Variants in COLEC12 observed in about 807,000 individuals in gnomAD.
The protein encoded by COLEC12 is collectin-12.
A neutral mutation model predicts 71.1 loss-of-function variants in COLEC12; 33 were observed. The ratio of observed to expected loss-of-function variants is 0.46; its 90% CI spans 0.35 to 0.62. COLEC12 has a LOEUF of 0.62. Ranked by LOEUF, COLEC12 falls within the 20% of genes least tolerant of loss-of-function variation. COLEC12 has a pLI of 0.00. For missense variants in COLEC12, 765 were observed against 916.1 expected, an observed-to-expected ratio of 0.84 and a Z score of 2.13; for synonymous variants, 350 against 353.0, an observed-to-expected ratio of 0.99 and a Z score of 0.10.
intron 2 of COLEC12, among the ~76,000 whole-genome samples, chr18:401,233 C>T (rs1915679894): frequency 1.3e-5 from 2 of 152,192 alleles, no homozygotes; most frequent in South Asian, 4.1e-4. Flanking sequence ...GCTTGTACAA[C>T]CTTCTTAGTA....
intron 2 of COLEC12, among the ~76,000 whole-genome samples, chr18:421,471 T>C (rs1205196221): frequency 1.3e-5 from 2 of 152,132 alleles, no homozygotes; most frequent in Non-Finnish European, 2.9e-5. Flanking sequence ...GCTTGTTTTC[T>C]GCTTGTAGGC....
At chr18:352,891 G>C (rs575887181) in intron 3 of COLEC12, among the ~76,000 whole-genome samples, 9 of 152,198 alleles carry the variant, frequency 5.9e-5, no homozygotes, top group Non-Finnish European at 1.2e-4. Flanking sequence ...TGAGAAAAAT[G>C]AGCAGGATAC....
chr18:337,449 T>C (rs116612383), intron 5 of COLEC12, among the ~76,000 whole-genome samples: 1 of 152,324 alleles, frequency 6.6e-6, no homozygotes, highest in African/African-American at 2.4e-5. Flanking sequence ...AAGCTTAGGC[T>C]CTGGACTTAA....
chr18:487,914 T>G (rs72856645), intron 1 of COLEC12, among the ~76,000 whole-genome samples: 2 of 152,158 alleles, frequency 1.3e-5, no homozygotes, highest in African/African-American at 4.8e-5. Flanking sequence ...AATAAGACAG[T>G]TGAGGGTCAT....
chr18:368,683 T>C lies in COLEC12; in HGVS notation c.59-11161A>G, dbSNP rs529224404. On this transcript the variant is annotated intron_variant, in intron 2 of 9. Coordinates refer to ENST00000400256, the MANE Select transcript of COLEC12 (RefSeq NM_130386.3). ...ATCGAGACCAGCCTGGCTAACATGG[T>C]GAAACCCCGTCTCCACTAAAAAATA... is the stretch of plus-strand genomic sequence containing the variant. Among the ~76,000 whole-genome samples, 564 of 151,086 alleles carry C rather than the reference T, an allele frequency of 3.7e-3. 5 individuals are homozygous for C. Among genetic ancestry groups the C allele is most frequent in the Non-Finnish European group, 6.6e-3 (445 of 67,858 alleles).
intron 1 of COLEC12, among the ~76,000 whole-genome samples, chr18:498,275 G>C (rs952563931): frequency 1.3e-5 from 2 of 150,946 alleles, no homozygotes; most frequent in African/African-American, 4.9e-5. Flanking sequence ...TGCCCCTCCC[G>C]TCCCCACCCC....
chr18:340,057 C>T (rs1343840331), intron 5 of COLEC12, among the ~76,000 whole-genome samples: 2 of 132,062 alleles, frequency 1.5e-5, no homozygotes, highest in Admixed American at 8.5e-5. Context: ...ATAGAAGCTA[C>T]CCTTAGTGCC....
intron 2 of COLEC12, among the ~76,000 whole-genome samples, chr18:383,030 T>C (rs780121166): frequency 6.6e-6 from 1 of 152,154 alleles, no homozygotes; most frequent in Non-Finnish European, 1.5e-5. Flanking sequence ...TGCACCTCCA[T>C]GCTGTCCATT....
chr18:452,076 G>A (rs778584535), intron 2 of COLEC12, among the ~76,000 whole-genome samples: 3 of 152,242 alleles, frequency 2.0e-5, no homozygotes, highest in South Asian at 2.1e-4. Flanking sequence ...AAAGAATAGC[G>A]TCACATATCT....
At chr18:389,945 CA>C (rs1915427075) in intron 2 of COLEC12, among the ~76,000 whole-genome samples, 1 of 152,244 alleles carries the variant, frequency 6.6e-6, no homozygotes, top group Non-Finnish European at 1.5e-5. Flanking sequence ...GAGGGATTTA[CA>C]AACTACATCT....
chr18:371,952 G>A (rs1567887900), intron 2 of COLEC12, among the ~76,000 whole-genome samples: 2 of 152,302 alleles, frequency 1.3e-5, no homozygotes, highest in Middle Eastern at 3.4e-3. Context: ...GATCAAGTAC[G>A]TGAGTTCTGA....
At chr18:363,439 T>A (rs901582078) in intron 2 of COLEC12, among the ~76,000 whole-genome samples, 5 of 152,196 alleles carry the variant, frequency 3.3e-5, no homozygotes, top group Non-Finnish European at 7.3e-5. Flanking sequence ...AAGATCATGT[T>A]ACCAAAGAGA....
chr18:498,130 T>C (rs1917746154), intron 1 of COLEC12, among the ~76,000 whole-genome samples: 1 of 152,198 alleles, frequency 6.6e-6, no homozygotes, highest in Admixed American at 6.5e-5. Context: ...CTATTTCTTC[T>C]AGACTCAGTT....
At chr18:364,676 T>G (rs942120632) in intron 2 of COLEC12, among the ~76,000 whole-genome samples, 1 of 152,220 alleles carries the variant, frequency 6.6e-6, no homozygotes. Context: ...AGCCAGACAC[T>G]GACTCTGACA....
chr18:327,741 C>T lies in COLEC12; in HGVS notation c.2063+3927G>A, dbSNP rs778712109. 2.6e-5 allele frequency among the ~76,000 whole-genome samples: 4 copies of T among 152,170 alleles called. No homozygotes were observed. The highest frequency in any genetic ancestry group is 6.5e-5 in the Admixed American group (1 of 15,270). The stretch of plus-strand genomic sequence containing the variant: ...TGCAAACTGTTTTAAAAGGATTTCA[C>T]GCGTGTTGGGAGAAAAGAATAAGGG... On this transcript the variant is annotated intron_variant, in intron 8 of 9. Coordinates refer to ENST00000400256, the MANE Select transcript of COLEC12 (RefSeq NM_130386.3). This position sits in a 1 kb window ranked among gnomAD's most constrained non-coding sequence, Gnocchi z 4.0.
rs561123858 is a variant in COLEC12, at chr18:456,924, ACT to A, written c.58+23781_58+23782del. 6.6e-5 allele frequency among the ~76,000 whole-genome samples: 10 copies of A among 152,152 alleles called. No homozygotes were observed. The South Asian group carries it at 2.1e-3, about 32-fold the overall frequency. ...TATACCTGAGGACCCTGAGCCCCGTACTCTGTCTCCTTGGTGAAGTGCCAGCC... is the reference window on the plus strand; with the variant it reads ...TATACCTGAGGACCCTGAGCCCCGTACTGTCTCCTTGGTGAAGTGCCAGCC... On this transcript the variant is annotated intron_variant, in intron 2 of 9. Coordinates refer to ENST00000400256, the MANE Select transcript of COLEC12 (RefSeq NM_130386.3).
chr18:341,752 TA>T (rs978991007), intron 5 of COLEC12, among the ~76,000 whole-genome samples: 1 of 152,204 alleles, frequency 6.6e-6, no homozygotes, highest in African/African-American at 2.4e-5. Context: ...CTCATAACTC[TA>T]AAAGGTACAC....
Position 357,419 on chromosome 18 carries a change from T to G in COLEC12, c.162A>C (p.Val54=), listed in dbSNP as rs761430032. ...YILCALLTIT[V]AILGYKVVEK... Reference sequence around the variant, plus strand: ...GCTTACCTTTATATCCCAAAATGGCTACTGTGATTGTTAGCAAGGCACACA... The same window carrying G: ...GCTTACCTTTATATCCCAAAATGGCGACTGTGATTGTTAGCAAGGCACACA... Residue 54 remains valine (V), a synonymous_variant, in exon 3 of 10, where the codon GTA becomes GTC. Transcript: ENST00000400256. 12 of 1,600,610 alleles carry G rather than the reference T, an allele frequency of 7.5e-6. No homozygotes were observed. In the East Asian group the frequency reaches 2.7e-4, roughly 36 times the overall value.
In COLEC12 at chr18:318,368, A is replaced by C. The variant is rs1488150781; in HGVS notation, c.*1677T>G. On this transcript the variant is annotated 3_prime_UTR_variant, in exon 10 of 10. Transcript: ENST00000400256. ...AGGGAGAAGGAATCTGTTGGATGGA[A>C]ATCTTACCTTTGAGCATCAGTTATA... 6.6e-6 allele frequency: 1 copy of C among 152,128 alleles called. No individual in the cohort carries two copies. Among genetic ancestry groups the C allele is most frequent in the Non-Finnish European group, 1.5e-5 (1 of 68,040 alleles). The allele number at this position is 152,128 out of a possible 1,614,324, so 9.4% of individuals were successfully genotyped here.
Sources: allele counts gnomAD v4.1 joint callset (sites outside exome capture counted in the v4.1 genomes callset), GRCh38; gene constraint gnomAD v4.1.1; non-coding constraint Gnocchi (gnomAD v3.1); transcripts MANE v1.5; gene names NCBI Gene and HGNC (gene_info 2026-07-23, HGNC 2026-07-21).